OR7G2: variants seen among roughly 807,000 people sequenced by gnomAD.
The protein encoded by OR7G2 is olfactory receptor 7G2.
For synonymous variants in OR7G2, 153 were observed against 152.2 expected, an observed-to-expected ratio of 1.01 and a Z score of -0.04; for missense variants, 362 against 384.0, an observed-to-expected ratio of 0.94 and a Z score of 0.48.
intron 1 of OR7G2, among the ~76,000 whole-genome samples, chr19:9,104,652 C>T (rs1199048629): frequency 6.6e-6 from 1 of 151,566 alleles, no homozygotes; most frequent in African/African-American, 2.4e-5. Flanking sequence ...ACGGTGAAAC[C>T]CCATGTCTAC....
In OR7G2 at chr19:9,101,498, C is replaced by T. The variant is rs1401872647; in HGVS notation, c.*771G>A. The T allele has an allele frequency of 1.3e-5, 2 of 151,994 alleles. No homozygotes were observed. The highest frequency in any genetic ancestry group is 6.3e-3 in the Middle Eastern group (2 of 316). 9.4% of individuals were successfully genotyped at this position (151,994 alleles called of 1,614,324 possible). ...TTGGGAGGCCGAGGCGAATGGATCACAAGGTCAGGAGATCGAGACCACCCT... is the reference window on the plus strand; with the variant it reads ...TTGGGAGGCCGAGGCGAATGGATCATAAGGTCAGGAGATCGAGACCACCCT... On this transcript the variant is annotated 3_prime_UTR_variant, in exon 2 of 2. Transcript: ENST00000641081.
rs1392990000 is a variant in OR7G2 at position 9,100,905 on chromosome 19, A to G, written c.*1364T>C. The G allele has an allele frequency of 1.3e-5, 2 of 152,166 alleles. No individual in the cohort carries two copies. The highest frequency in any genetic ancestry group is 2.9e-5 in the Non-Finnish European group (2 of 68,080). The allele number at this position is 152,166 out of a possible 1,614,324, so 9.4% of individuals were successfully genotyped here. The stretch of plus-strand genomic sequence containing the variant: ...ACTAATCTCAGATCTTTGGGAGGCC[A>G]TGGCAGGAGGATCACTTGAACCTAG... On this transcript the variant is annotated 3_prime_UTR_variant, in exon 2 of 2. Coordinates refer to ENST00000641081, the MANE Select transcript of OR7G2 (RefSeq NM_001005193.2).
intron 1 of OR7G2, among the ~76,000 whole-genome samples, chr19:9,106,306 C>T (rs949101050): frequency 3.3e-5 from 5 of 150,840 alleles, no homozygotes; most frequent in African/African-American, 4.9e-5. Context: ...ACGCCTGTAA[C>T]CCCAGCTACT....
rs931416904 is a variant in OR7G2 at position 9,102,046 on chromosome 19, T to C, written c.*223A>G. ...GGTGAAACTCTATCTCTACTAAAAA[T>C]ACAAAAATTAGCCAGGCATGGTGGC... On this transcript the variant is annotated 3_prime_UTR_variant, in exon 2 of 2. Transcript: ENST00000641081. The C allele has an allele frequency of 1.3e-5, 6 of 454,886 alleles. No individual in the cohort carries two copies. The highest frequency in any genetic ancestry group is 7.9e-5 in the African/African-American group (4 of 50,856). 28.2% of individuals were successfully genotyped at this position (454,886 alleles called of 1,614,324 possible).
At chr19:9,106,835 T>C (rs2050389176) in intron 1 of OR7G2, among the ~76,000 whole-genome samples, 1 of 151,950 alleles carries the variant, frequency 6.6e-6, no homozygotes, top group Non-Finnish European at 1.5e-5. Context: ...ACTTGATCTA[T>C]ATTATTCTTC....
intron 1 of OR7G2, among the ~76,000 whole-genome samples, chr19:9,106,374 G>A (rs1253405405): frequency 1.3e-5 from 2 of 149,568 alleles, no homozygotes; most frequent in East Asian, 2.0e-4. Flanking sequence ...GCAGTAAGCC[G>A]AGATCGTGCC....
chr19:9,104,895 T>C (rs2050377493), intron 1 of OR7G2, among the ~76,000 whole-genome samples: 1 of 152,104 alleles, frequency 6.6e-6, no homozygotes, highest in South Asian at 2.1e-4. Context: ...ATTCAAATCC[T>C]TCCCCTTGCT....
In OR7G2 at chr19:9,102,562, T is replaced by C; in HGVS notation, c.682A>G (p.Met228Val). The change falls in exon 2 of 2, where the codon ATG (methionine) becomes GTG (valine). Residue 228 changes from methionine to valine, a missense_variant. Physicochemically the swap from Met to Val is conservative, Grantham distance 21 (BLOSUM62 1). Transcript: ENST00000641081. ...YTQITSCVLR[M>V]PSASGKHKAV... Reference sequence around the variant, plus strand: ...TTGTGCTTTCCACTTGCTGATGGCATTCTCAAAACACAGGAGGTGATCTGA... The same window carrying C: ...TTGTGCTTTCCACTTGCTGATGGCACTCTCAAAACACAGGAGGTGATCTGA... The C allele has an allele frequency of 6.2e-7, 1 of 1,614,198 alleles. No homozygotes were observed. The highest frequency in any genetic ancestry group is 8.5e-7 in the Non-Finnish European group (1 of 1,180,044).
At chr19:9,106,430 A>AC (rs1384344825) in intron 1 of OR7G2, among the ~76,000 whole-genome samples, 1 of 149,802 alleles carries the variant, frequency 6.7e-6, no homozygotes, top group Non-Finnish European at 1.5e-5. Flanking sequence ...GTCTCAAAAA[A>AC]AAAAAAAAAA....
chr19:9,102,462 C>G lies in OR7G2; in HGVS notation c.782G>C (p.Ser261Thr). Residue 261 changes from serine (S) to threonine (T), a missense_variant, in exon 2 of 2, where the codon AGT (serine) becomes ACT (threonine). Transcript: ENST00000641081. ...CCTAGGTGAGTCAGTAACCACAGAA[C>G]TAATGTACACCCCCAAACCTGCCCC... The part of the protein sequence containing the change: ...FYGAGLGVYI[S>T]SVVTDSPRKT... 6 of 1,614,000 alleles carry G rather than the reference C, an allele frequency of 3.7e-6. No individual in the cohort carries two copies. Among genetic ancestry groups the G allele is most frequent in the Non-Finnish European group, 5.1e-6 (6 of 1,179,882 alleles).
At chr19:9,105,206 G>C (rs908002625) in intron 1 of OR7G2, among the ~76,000 whole-genome samples, 1 of 151,958 alleles carries the variant, frequency 6.6e-6, no homozygotes. Flanking sequence ...CTGACCTTGT[G>C]ATCCACCTGC....
At chr19:9,104,597 G>A (rs79351635) in intron 1 of OR7G2, among the ~76,000 whole-genome samples, 44,160 of 151,698 alleles carry the variant, frequency 0.29, 7,209 homozygotes, top group East Asian at 0.59. Flanking sequence ...GGAGGCCGAG[G>A]CGGGCAGATC....
In OR7G2 at chr19:9,102,915, A is replaced by C. The variant is rs1011818740; in HGVS notation, c.329T>G (p.Leu110Trp). 6.2e-7 allele frequency: 1 copy of C among 1,614,214 alleles called. No individual in the cohort carries two copies. The highest frequency in any genetic ancestry group is 8.5e-7 in the Non-Finnish European group (1 of 1,180,030). ...CATTGCTGCAAGGAGACAATTTTCC[A>C]AGCCAGCAAAAAACAAGACAAAGCA... ...QICFVLFFAG[L>W]ENCLLAAMAY... Residue 110 changes from leucine (L) to tryptophan (W), a missense_variant, in exon 2 of 2, where the codon TTG becomes TGG. Transcript: ENST00000641081.
intron 1 of OR7G2, among the ~76,000 whole-genome samples, chr19:9,107,038 C>CA (rs5827048): frequency 0.3 from 45,035 of 151,324 alleles, 7,395 homozygotes; most frequent in East Asian, 0.59. Context: ...CCTGTGTCTA[C>CA]AAAAAAAATT....
chr19:9,103,794 G>A (rs991692842), intron 1 of OR7G2, among the ~76,000 whole-genome samples: 2 of 149,310 alleles, frequency 1.3e-5, no homozygotes, highest in African/African-American at 4.9e-5. Context: ...CTCCCAAAGT[G>A]CTGGGATTAC....
intron 1 of OR7G2, among the ~76,000 whole-genome samples, chr19:9,106,694 G>C (rs1386210551): frequency 7.1e-6 from 1 of 139,876 alleles, no homozygotes; most frequent in African/African-American, 2.7e-5. Context: ...CCGAGATCAT[G>C]CCACTGCACT....
Position 9,102,134 on chromosome 19 carries a change from G to A in OR7G2, c.*135C>T, listed in dbSNP as rs1029522451. ...AGGAGGATGGCTTGAACCCGGAGGC[G>A]GAAGTTGCAGTGAGCCGAGGTCGTG... On this transcript the variant is annotated 3_prime_UTR_variant, in exon 2 of 2. Coordinates refer to ENST00000641081, the MANE Select transcript of OR7G2 (RefSeq NM_001005193.2). The A allele has an allele frequency of 1.1e-4, 81 of 723,490 alleles. 1 individual carries two copies. Among genetic ancestry groups the A allele is most frequent in the Middle Eastern group, 3.9e-4 (1 of 2,546 alleles). The allele number at this position is 723,490 out of a possible 1,614,324, so 44.8% of individuals were successfully genotyped here.
In OR7G2 at chr19:9,102,114, G is replaced by A. The variant is rs1385128312; in HGVS notation, c.*155C>T. 2 of 627,328 alleles carry A rather than the reference G, an allele frequency of 3.2e-6. No homozygotes were observed. The highest frequency in any genetic ancestry group is 5.4e-6 in the Non-Finnish European group (2 of 367,418). 38.9% of individuals were successfully genotyped at this position (627,328 alleles called of 1,614,324 possible). ...ACTACTCAGGAGGCTGAGGCAGGAG[G>A]ATGGCTTGAACCCGGAGGCGGAAGT... On this transcript the variant is annotated 3_prime_UTR_variant, in exon 2 of 2. Coordinates refer to ENST00000641081, the MANE Select transcript of OR7G2 (RefSeq NM_001005193.2).
Position 9,103,144 on chromosome 19 carries a change from T to G in OR7G2, c.100A>C (p.Met34Leu). 1 of 1,614,116 alleles carries G rather than the reference T, an allele frequency of 6.2e-7. No individual in the cohort carries two copies. Among genetic ancestry groups the G allele is most frequent in the South Asian group, 1.1e-5 (1 of 91,078 alleles). The change falls in exon 2 of 2, where the codon ATG becomes CTG. Residue 34 changes from methionine to leucine, a missense_variant. Physicochemically the swap from Met to Leu is conservative, Grantham distance 15. Coordinates refer to ENST00000641081, the MANE Select transcript of OR7G2 (RefSeq NM_001005193.2). The part of the protein sequence containing the change: ...QPVLFSLFLS[M>L]YLVTILGNLL... Reference sequence around the variant, plus strand: ...TTCCCCAGGATGGTGACCAAGTACATGGACAGGAACAGGCTGAAAAGGACG... The same window carrying G: ...TTCCCCAGGATGGTGACCAAGTACAGGGACAGGAACAGGCTGAAAAGGACG...
Sources: gnomAD v4.1 joint callset for allele counts (sites outside exome capture counted in the v4.1 genomes callset) on GRCh38, gnomAD v4.1.1 for gene constraint, MANE v1.5 for transcripts, NCBI Gene and HGNC (gene_info 2026-07-23, HGNC 2026-07-21) for gene names.